PPP1R9A: variants seen among roughly 807,000 people sequenced by gnomAD.
PPP1R9A encodes neurabin-1.
In PPP1R9A, 59 loss-of-function variants were observed where a neutral mutation model predicts 141.9. The observed-to-expected ratio is 0.42, with a 90% CI of 0.34 to 0.52. PPP1R9A has a LOEUF of 0.52. Ranked by LOEUF, PPP1R9A falls within the 20% of genes least tolerant of loss-of-function variation. The pLI is 0.10. For synonymous variants in PPP1R9A, 500 were observed against 569.7 expected (o/e 0.88, Z 1.74); for missense variants, 1,444 against 1,611.9 (o/e 0.90, Z 1.78).
chr7:95,255,576 CAGAA>C (rs1045091926), intron 12 of PPP1R9A, among the ~76,000 whole-genome samples: 6 of 151,952 alleles, frequency 3.9e-5, no homozygotes, highest in African/African-American at 1.5e-4. Flanking sequence ...GGCTACTAGG[CAGAA>C]AGAAAGTACT....
chr7:95,227,689 A>C (rs1194713734), intron 8 of PPP1R9A, among the ~76,000 whole-genome samples: 1 of 152,116 alleles, frequency 6.6e-6, no homozygotes, highest in Non-Finnish European at 1.5e-5. Flanking sequence ...CTTTACTGAA[A>C]AATGTTACTG....
intron 2 of PPP1R9A, among the ~76,000 whole-genome samples, chr7:94,952,025 G>A (rs1251194935): frequency 7.3e-6 from 1 of 137,808 alleles, no homozygotes; most frequent in Non-Finnish European, 1.7e-5. Flanking sequence ...TGTTACATAG[G>A]TATACATGTG....
chr7:95,039,809 A>C (rs1808964099), intron 2 of PPP1R9A, among the ~76,000 whole-genome samples: 1 of 152,188 alleles, frequency 6.6e-6, no homozygotes, highest in East Asian at 1.9e-4. Flanking sequence ...TAATTGGAAT[A>C]ACAGGAGGAG....
At chr7:95,205,236 T>C (rs897200859) in intron 7 of PPP1R9A, among the ~76,000 whole-genome samples, 1 of 152,252 alleles carries the variant, frequency 6.6e-6, no homozygotes, top group African/African-American at 2.4e-5. Flanking sequence ...AAAAAAATTA[T>C]GATGCAAATG....
chr7:95,230,715 T>C (rs2152962620), intron 8 of PPP1R9A, among the ~76,000 whole-genome samples: 1 of 152,222 alleles, frequency 6.6e-6, no homozygotes, highest in Non-Finnish European at 1.5e-5. Flanking sequence ...ATCTAAAAGT[T>C]TGGAAAACGG....
At chr7:94,947,385 T>C (rs987350656) in intron 2 of PPP1R9A, among the ~76,000 whole-genome samples, 1 of 152,170 alleles carries the variant, frequency 6.6e-6, no homozygotes, top group Non-Finnish European at 1.5e-5. Flanking sequence ...CTGTGGACCC[T>C]TGGATTAGTT....
chr7:95,193,388 T>A (rs748390536), intron 5 of PPP1R9A, among the ~76,000 whole-genome samples: 1 of 152,096 alleles, frequency 6.6e-6, no homozygotes, highest in African/African-American at 2.4e-5. Context: ...AGAGTGATTT[T>A]GAATACAAAG....
At chr7:95,211,812 C>T (rs796197097) in intron 7 of PPP1R9A, among the ~76,000 whole-genome samples, 8 of 152,158 alleles carry the variant, frequency 5.3e-5, no homozygotes, top group African/African-American at 1.7e-4. Context: ...CATAGCAAGA[C>T]GTGTCTCTAA....
At chr7:95,277,608 G>T (rs1002296738) in intron 16 of PPP1R9A, among the ~76,000 whole-genome samples, 1 of 151,860 alleles carries the variant, frequency 6.6e-6, no homozygotes, top group Non-Finnish European at 1.5e-5. Context: ...AAAAAAAATT[G>T]TAGAGGTGGG....
chr7:95,060,751 G>C (rs1265985767), intron 2 of PPP1R9A, among the ~76,000 whole-genome samples: 1 of 152,132 alleles, frequency 6.6e-6, no homozygotes, highest in African/African-American at 2.4e-5. Flanking sequence ...CAGAGGGGTG[G>C]GCAGTATGAC....
chr7:95,190,663 A>G (rs765035929), intron 5 of PPP1R9A, among the ~76,000 whole-genome samples: 1 of 152,188 alleles, frequency 6.6e-6, no homozygotes, highest in Non-Finnish European at 1.5e-5. Flanking sequence ...TCCATCCAGG[A>G]GGTGGCGCTT....
intron 4 of PPP1R9A, among the ~76,000 whole-genome samples, chr7:95,148,045 G>C (rs144459511): frequency 1.4e-3 from 216 of 152,246 alleles, no homozygotes; most frequent in African/African-American, 5.1e-3. Context: ...TTGGGATGCT[G>C]TAAAAGCAGC....
At chr7:94,969,121 C>T (rs182505909) in intron 2 of PPP1R9A, among the ~76,000 whole-genome samples, 2 of 152,126 alleles carry the variant, frequency 1.3e-5, no homozygotes, top group African/African-American at 4.8e-5. Flanking sequence ...TGTTATTACC[C>T]ATGTTCTGAA....
chr7:95,185,700 T>C (rs545581937), intron 5 of PPP1R9A, among the ~76,000 whole-genome samples: 1 of 152,316 alleles, frequency 6.6e-6, no homozygotes, highest in Admixed American at 6.5e-5. Context: ...AATTGATTTT[T>C]GTATAAGGTG....
At chr7:95,111,635 A>G (rs939074162) in intron 3 of PPP1R9A, among the ~76,000 whole-genome samples, 1 of 152,154 alleles carries the variant, frequency 6.6e-6, no homozygotes, top group African/African-American at 2.4e-5. Context: ...TCAGGGAGGT[A>G]TAAGTGAGGC....
At chr7:95,109,760 C>G (rs1162324042) in intron 2 of PPP1R9A, among the ~76,000 whole-genome samples, 1 of 151,474 alleles carries the variant, frequency 6.6e-6, no homozygotes, top group Non-Finnish European at 1.5e-5. Context: ...GGGAGAATTA[C>G]TTGAGCTCAG....
At chr7:95,079,473 G>A (rs556870115) in intron 2 of PPP1R9A, among the ~76,000 whole-genome samples, 1 of 151,778 alleles carries the variant, frequency 6.6e-6, no homozygotes, top group Non-Finnish European at 1.5e-5. Flanking sequence ...AAAGAGTCCA[G>A]GACCAGATGG....
At chr7:94,925,945 G>A (rs1793427479) in intron 2 of PPP1R9A, among the ~76,000 whole-genome samples, 1 of 151,962 alleles carries the variant, frequency 6.6e-6, no homozygotes, top group Admixed American at 6.6e-5. Context: ...CCTGCCTTAG[G>A]CTCTTGAGTA....
intron 2 of PPP1R9A, among the ~76,000 whole-genome samples, chr7:94,921,735 G>A (rs1405451830): frequency 6.6e-6 from 1 of 151,940 alleles, no homozygotes; most frequent in Non-Finnish European, 1.5e-5. Context: ...TCTGTAGGTG[G>A]AATAATAAAA....
Sources: allele counts gnomAD v4.1 joint callset (sites outside exome capture counted in the v4.1 genomes callset), GRCh38; gene constraint gnomAD v4.1.1; transcripts MANE v1.5; gene names NCBI Gene and HGNC (gene_info 2026-07-23, HGNC 2026-07-21).